RBFOX1: variants seen among roughly 807,000 people sequenced by gnomAD.
The protein encoded by RBFOX1 is RNA binding fox-1 homolog 1, also known as RNA binding protein fox-1 homolog 1.
Under a neutral mutation model 57.7 loss-of-function variants are expected in RBFOX1, and 8 were observed. The ratio of observed to expected loss-of-function variants is 0.14; its 90% CI spans 0.08 to 0.25. The LOEUF (loss-of-function observed/expected upper bound fraction) is 0.25. Ranked by LOEUF, RBFOX1 falls within the 10% of genes least tolerant of loss-of-function variation. The pLI is 1.00. For synonymous variants in RBFOX1, 326 were observed against 222.4 expected (o/e 1.47, Z -4.15); for missense variants, 611 against 548.5 (o/e 1.11, Z -1.14).
At chr16:6,463,762 C>G (rs754042131) in intron 2 of RBFOX1, among the ~76,000 whole-genome samples, 6 of 152,190 alleles carry the variant, frequency 3.9e-5, no homozygotes, top group African/African-American at 1.4e-4. Context: ...CAAGTTTCAT[C>G]TTATTCCCTG....
intron 3 of RBFOX1, among the ~76,000 whole-genome samples, chr16:7,001,706 C>A (rs62016447): frequency 6.6e-6 from 1 of 151,976 alleles, no homozygotes; most frequent in Admixed American, 6.6e-5. Flanking sequence ...ATCCATCCTC[C>A]TTGGCCTCCC....
At chr16:5,315,198 G>T (rs1209013212) in intron 1 of RBFOX1, among the ~76,000 whole-genome samples, 1 of 152,206 alleles carries the variant, frequency 6.6e-6, no homozygotes, top group Non-Finnish European at 1.5e-5. Context: ...CTCTGTACCG[G>T]AGGGAAGATG....
intron 2 of RBFOX1, among the ~76,000 whole-genome samples, chr16:6,592,107 T>C (rs927080403): frequency 6.6e-6 from 1 of 152,166 alleles, no homozygotes; most frequent in Non-Finnish European, 1.5e-5. Context: ...AATGTCAGGG[T>C]AGGACGATTG....
At chr16:6,068,501 T>G (rs1438627976) in intron 1 of RBFOX1, among the ~76,000 whole-genome samples, 1 of 152,150 alleles carries the variant, frequency 6.6e-6, no homozygotes, top group Non-Finnish European at 1.5e-5. Flanking sequence ...CGTTTGGGGT[T>G]AAACAAGTTT....
At chr16:5,881,728 AT>A (rs1238927212) in intron 4 of RBFOX1, among the ~76,000 whole-genome samples, 4 of 152,004 alleles carry the variant, frequency 2.6e-5, no homozygotes, top group Non-Finnish European at 4.4e-5. Context: ...AAAGGCTAAA[AT>A]TTTCCCCCCA....
intron 4 of RBFOX1, among the ~76,000 whole-genome samples, chr16:7,075,095 G>C (rs1028909998): frequency 1.3e-5 from 2 of 152,216 alleles, no homozygotes; most frequent in Admixed American, 6.5e-5. Context: ...ATGAAGTTCT[G>C]TGTTATTTGA....
intron 4 of RBFOX1, among the ~76,000 whole-genome samples, chr16:7,221,532 A>G (rs928898143): frequency 6.6e-6 from 1 of 151,826 alleles, no homozygotes; most frequent in African/African-American, 2.4e-5. Context: ...ACACCTAGCT[A>G]ATTTTTGTAT....
At chr16:7,186,868 G>C (rs985493509) in intron 4 of RBFOX1, among the ~76,000 whole-genome samples, 38 of 151,144 alleles carry the variant, frequency 2.5e-4, no homozygotes, top group African/African-American at 7.8e-4. Context: ...TTAAAATATA[G>C]CTCTCTAGGC....
At chr16:5,334,832 C>G (rs144666768) in intron 1 of RBFOX1, among the ~76,000 whole-genome samples, 1 of 151,726 alleles carries the variant, frequency 6.6e-6, no homozygotes, top group South Asian at 2.1e-4. Flanking sequence ...AGTTGGCCAT[C>G]TTTAAGCATG....
At chr16:6,808,581 TTATCATC>T (rs1892269750) in intron 3 of RBFOX1, among the ~76,000 whole-genome samples, 1 of 152,086 alleles carries the variant, frequency 6.6e-6, no homozygotes, top group African/African-American at 2.4e-5. Flanking sequence ...ACTGCCAAAT[TTATCATC>T]TCAGGGTGTT....
chr16:6,828,522 T>TA lies in RBFOX1; in HGVS notation c.-16+173886dup, dbSNP rs781606124. On this transcript the variant is annotated intron_variant, in intron 3 of 15. Transcript: ENST00000550418. ...CTGGCAACAGAGCGAGACGTGTCTT[T>TA]AAAAAAAAAAAAAATCAGATAGCAG... Among the ~76,000 whole-genome samples, 1,002 of 143,126 alleles carry TA rather than the reference T, an allele frequency of 7.0e-3. 2 individuals are homozygous for TA. The highest frequency in any genetic ancestry group is 8.7e-3 in the South Asian group (39 of 4,484). The allele number at this position is 143,126 out of a possible 152,430, so 93.9% of individuals were successfully genotyped here.
At chr16:7,329,195 C>T (rs1419171647) in intron 4 of RBFOX1, among the ~76,000 whole-genome samples, 1 of 152,164 alleles carries the variant, frequency 6.6e-6, no homozygotes, top group Non-Finnish European at 1.5e-5. Flanking sequence ...CATTCCCTGC[C>T]CGTGATGGGC....
chr16:6,726,262 A>G (rs1389341175), intron 3 of RBFOX1, among the ~76,000 whole-genome samples: 1 of 152,144 alleles, frequency 6.6e-6, no homozygotes, highest in Non-Finnish European at 1.5e-5. Flanking sequence ...TTTTGAATTC[A>G]TTGTGACTCT....
intron 1 of RBFOX1, among the ~76,000 whole-genome samples, chr16:6,214,306 G>A (rs1222311123): frequency 1.3e-5 from 2 of 151,886 alleles, no homozygotes; most frequent in Non-Finnish European, 2.9e-5. Flanking sequence ...AGAGTAGGAG[G>A]GAGAGGGAGA....
intron 3 of RBFOX1, among the ~76,000 whole-genome samples, chr16:5,747,255 G>A (rs1404136369): frequency 6.6e-6 from 1 of 152,192 alleles, no homozygotes; most frequent in Non-Finnish European, 1.5e-5. Flanking sequence ...TGGTGGATAA[G>A]CTTTGTGATG....
chr16:5,442,800 C>G (rs960436995), intron 1 of RBFOX1, among the ~76,000 whole-genome samples: 3 of 152,198 alleles, frequency 2.0e-5, no homozygotes, highest in Non-Finnish European at 4.4e-5. Context: ...TGAATACTGT[C>G]TCTTCCCTGC....
intron 1 of RBFOX1, among the ~76,000 whole-genome samples, chr16:6,054,582 A>G (rs370339128): frequency 6.6e-6 from 1 of 152,098 alleles, no homozygotes; most frequent in Admixed American, 6.6e-5. Context: ...CATGATTCAT[A>G]TTGGGTCTAT....
intron 4 of RBFOX1, among the ~76,000 whole-genome samples, chr16:7,203,727 C>CT (rs145508254): frequency 0.015 from 2,289 of 152,262 alleles, 69 homozygotes; most frequent in African/African-American, 0.052. Context: ...CTCTGTTTCC[C>CT]TTTGCAAATA....
intron 4 of RBFOX1, among the ~76,000 whole-genome samples, chr16:7,492,203 A>C (rs1173040820): frequency 6.6e-6 from 1 of 152,356 alleles, no homozygotes; most frequent in East Asian, 1.9e-4. Context: ...CATAAAATTC[A>C]GTTCTTTAAG....
Sources: gnomAD v4.1 joint callset for allele counts (sites outside exome capture counted in the v4.1 genomes callset) on GRCh38, gnomAD v4.1.1 for gene constraint, MANE v1.5 for transcripts, NCBI Gene and HGNC (gene_info 2026-07-23, HGNC 2026-07-21) for gene names.